USP24: variants seen among roughly 807,000 people sequenced by gnomAD.
USP24 encodes ubiquitin specific peptidase 24.
USP24 carries 97 observed loss-of-function variants against 361.6 expected under a neutral mutation model. The ratio of observed to expected loss-of-function variants is 0.27; its 90% CI spans 0.23 to 0.32. The LOEUF is 0.32. Among genes scored for constraint, USP24 ranks in the 10% least tolerant of loss-of-function variants. The pLI is 1.00. For synonymous variants in USP24, 1,098 were observed against 1,124.6 expected (o/e 0.98, Z 0.47); for missense variants, 2,353 against 3,165.6 (o/e 0.74, Z 6.16).
Position 55,144,129 on chromosome 1 carries a change from A to T in USP24, c.2437T>A (p.Leu813Met), listed in dbSNP as rs1281455613. Reference sequence around the variant, plus strand: ...AGATTTGAGAATAACGTACTTACCAACTGAGCTCCTTGTCTTTTCAATCGA... The same window carrying T: ...AGATTTGAGAATAACGTACTTACCATCTGAGCTCCTTGTCTTTTCAATCGA... ...DHRLKRQGAQ[L>M]YVEKLELIGM... Residue 813 changes from leucine to methionine, a missense_variant and splice_region_variant, in exon 21 of 68, where the codon TTG becomes ATG. By Grantham distance (15) the Leu-to-Met change is conservative. This residue lies in a region of USP24 where 949 missense variants were observed against 1,280.5 expected (regional missense o/e 0.74). Transcript: ENST00000294383. The T allele has an allele frequency of 6.2e-7, 1 of 1,606,298 alleles. No homozygotes were observed. Among genetic ancestry groups the T allele is most frequent in the Non-Finnish European group, 8.5e-7 (1 of 1,176,936 alleles).
intron 67 of USP24, among the ~76,000 whole-genome samples, chr1:55,069,322 C>G (rs13376676): frequency 0.029 from 4,442 of 152,294 alleles, 158 homozygotes; most frequent in African/African-American, 0.082. Context: ...GTCAGTGAAA[C>G]AACCCAGCGA....
At chr1:55,078,760 T>G in intron 60 of USP24, 109 bp from the exon 61 acceptor site, 1 of 768,510 alleles carries the variant, frequency 1.3e-6, no homozygotes, top group East Asian at 2.9e-5. Context: ...TAATTAACAC[T>G]GCCTGAAAAC....
chr1:55,141,398 C>T (rs576768078), intron 24 of USP24, among the ~76,000 whole-genome samples: 7 of 152,064 alleles, frequency 4.6e-5, no homozygotes, highest in Non-Finnish European at 1.0e-4. Flanking sequence ...GGGAAGTACT[C>T]GGGTGGTCCT....
chr1:55,089,248 AAC>A (rs1486382138), intron 55 of USP24, among the ~76,000 whole-genome samples: 4 of 152,140 alleles, frequency 2.6e-5, no homozygotes, highest in Non-Finnish European at 1.5e-5. Flanking sequence ...TCAGAATCCA[AAC>A]ACAGTTAGAC....
intron 21 of USP24, 46 bp from the exon 22 acceptor site, chr1:55,143,165 CA>C: frequency 7.4e-7 from 1 of 1,351,762 alleles, no homozygotes; most frequent in South Asian, 1.7e-5. Flanking sequence ...ATCAAGATCA[CA>C]AAGTTACAAA....
intron 67 of USP24, among the ~76,000 whole-genome samples, chr1:55,069,942 G>C (rs937403926): frequency 6.7e-6 from 1 of 149,004 alleles, no homozygotes; most frequent in African/African-American, 2.5e-5. Context: ...GCTAGATCAA[G>C]CAGGACTGTG....
At chr1:55,166,309 A>T (rs192242663) in intron 6 of USP24, among the ~76,000 whole-genome samples, 1 of 152,152 alleles carries the variant, frequency 6.6e-6, no homozygotes, top group Admixed American at 6.6e-5. Context: ...GTGCTCCGTA[A>T]CATTGGTCTT....
intron 38 of USP24, among the ~76,000 whole-genome samples, chr1:55,110,539 T>C (rs1341631826): frequency 2.0e-5 from 3 of 152,178 alleles, no homozygotes; most frequent in Non-Finnish European, 4.4e-5. Flanking sequence ...CATTCATTCA[T>C]TTACATTTCA....
At chr1:55,089,064 G>C (rs1645316543) in intron 55 of USP24, among the ~76,000 whole-genome samples, 1 of 151,744 alleles carries the variant, frequency 6.6e-6, no homozygotes, top group South Asian at 2.1e-4. Context: ...CCACAACCAC[G>C]CCCGGCTAAT....
At chr1:55,112,384 CT>C (rs745674520) in intron 38 of USP24, among the ~76,000 whole-genome samples, 12 of 152,192 alleles carry the variant, frequency 7.9e-5, no homozygotes, top group Non-Finnish European at 1.6e-4. Context: ...AATTGTAGAT[CT>C]TTCCTGCTTT....
chr1:55,193,551 T>G (rs1283146769), intron 1 of USP24, among the ~76,000 whole-genome samples: 1 of 152,218 alleles, frequency 6.6e-6, no homozygotes, highest in Non-Finnish European at 1.5e-5. Context: ...TTAGGGCATC[T>G]CCAGTGACTG....
intron 1 of USP24, among the ~76,000 whole-genome samples, chr1:55,189,776 G>T (rs1206342561): frequency 6.6e-6 from 1 of 151,864 alleles, no homozygotes. Context: ...AAAGAAAGTG[G>T]GTATATATCT....
intron 16 of USP24, among the ~76,000 whole-genome samples, chr1:55,151,161 T>G (rs1017445596): frequency 7.1e-6 from 1 of 141,664 alleles, no homozygotes; most frequent in Non-Finnish European, 1.6e-5. Context: ...GAAACTTCTC[T>G]ATAACAATGC....
intron 8 of USP24, among the ~76,000 whole-genome samples, chr1:55,161,286 C>T (rs1648249667): frequency 2.0e-5 from 3 of 151,244 alleles, no homozygotes; most frequent in Admixed American, 2.0e-4. Context: ...GCAGGAGAAT[C>T]GCTTGAACCT....
chr1:55,100,992 T>G (rs774179427), intron 43 of USP24, 28 bp from the exon 44 acceptor site: 1 of 1,601,248 alleles, frequency 6.2e-7, no homozygotes, highest in Admixed American at 1.8e-5. Context: ...ATATCAAGCT[T>G]GAAATATTTA....
At position 55,071,871 on chromosome 1, in the gene USP24, G is replaced by A. The variant is rs1223599765; in HGVS notation, c.7743C>T (p.Ser2581=). The stretch of plus-strand genomic sequence containing the variant: ...CAGGACTACTCTCCGACCCATTACT[G>A]CTTCCTGATTGCTCTTTTTCATTCA... ...ALLNEKEQSG[S]SNGSESSPAN... Residue 2581 remains serine (S), a synonymous_variant, in exon 67 of 68, where the codon AGC becomes AGT. Coordinates refer to ENST00000294383, the MANE Select transcript of USP24 (RefSeq NM_015306.3). 3 of 1,613,284 alleles carry A rather than the reference G, an allele frequency of 1.9e-6. No individual in the cohort carries two copies. Among genetic ancestry groups the A allele is most frequent in the Non-Finnish European group, 2.5e-6 (3 of 1,179,740 alleles).
chr1:55,112,060 T>C (rs942889191), intron 38 of USP24, among the ~76,000 whole-genome samples: 3 of 151,830 alleles, frequency 2.0e-5, no homozygotes, highest in African/African-American at 7.3e-5. Flanking sequence ...AAGTCAAGAA[T>C]GGATCAAAGA....
At chr1:55,123,715 G>A in intron 35 of USP24, 113 bp from the exon 36 acceptor site, 1 of 1,096,590 alleles carries the variant, frequency 9.1e-7, no homozygotes, top group Non-Finnish European at 1.2e-6. Flanking sequence ...CTTCAAGAAA[G>A]CACTTAGGTC....
intron 5 of USP24, among the ~76,000 whole-genome samples, chr1:55,171,157 A>G (rs1026257809): frequency 6.6e-6 from 1 of 152,216 alleles, no homozygotes; most frequent in Non-Finnish European, 1.5e-5. Flanking sequence ...TTTAATGCAT[A>G]TGAAGTTCAA....
Sources: allele counts gnomAD v4.1 joint callset (sites outside exome capture counted in the v4.1 genomes callset), GRCh38; gene constraint gnomAD v4.1.1; regional missense constraint gnomAD v4.1.1; transcripts MANE v1.5; gene names NCBI Gene and HGNC (gene_info 2026-07-23, HGNC 2026-07-21).